Variants in FBXL2 observed in about 807,000 individuals in gnomAD.
FBXL2 encodes F-box and leucine rich repeat protein 2.
Under a neutral mutation model 69.2 loss-of-function variants are expected in FBXL2, and 38 were observed. That is an observed-to-expected ratio of 0.55 (90% CI 0.42 to 0.72). The LOEUF (loss-of-function observed/expected upper bound fraction) is 0.72, where lower values mean the gene tolerates loss of function less well. Ranked by LOEUF, FBXL2 falls within the 30% of genes least tolerant of loss-of-function variation. The pLI is 0.00. For synonymous variants in FBXL2, 192 were observed against 201.3 expected, an observed-to-expected ratio of 0.95 and a Z score of 0.39; for missense variants, 354 against 520.3, an observed-to-expected ratio of 0.68 and a Z score of 3.11.
At chr3:33,347,871 AT>A in intron 2 of FBXL2, among the ~76,000 whole-genome samples, 1 of 150,714 alleles carries the variant, frequency 6.6e-6, no homozygotes, top group Non-Finnish European at 1.5e-5. Flanking sequence ...GGATTGTTAG[AT>A]TTTTTTTTCC....
Position 33,385,921 on chromosome 3 carries a change from C to G in FBXL2, c.*313C>G, listed in dbSNP as rs571778621. 3.8e-5 allele frequency: 13 copies of G among 337,924 alleles called. No individual in the cohort carries two copies. The highest frequency in any genetic ancestry group is 3.2e-4 in the Admixed American group (7 of 21,684). 20.9% of individuals were successfully genotyped at this position (337,924 alleles called of 1,614,324 possible). Reference sequence around the variant, plus strand: ...CTAGGTACGAAAGTTCTACCCTTGGCATACTCAGCATTCCTCAAAAAGACC... The same window carrying G: ...CTAGGTACGAAAGTTCTACCCTTGGGATACTCAGCATTCCTCAAAAAGACC... On this transcript the variant is annotated 3_prime_UTR_variant, in exon 15 of 15. Transcript: ENST00000484457.
intron 2 of FBXL2, among the ~76,000 whole-genome samples, chr3:33,304,384 G>C (rs569366510): frequency 6.6e-6 from 1 of 151,918 alleles, no homozygotes; most frequent in Non-Finnish European, 1.5e-5. Flanking sequence ...ACTTTTGCTT[G>C]TTTATTAACT....
At chr3:33,397,118 G>A in intron 12 of FBXL2, 4 of 1,595,526 alleles carry the variant, frequency 2.5e-6, no homozygotes, top group Non-Finnish European at 3.4e-6. Flanking sequence ...TCCTTTGTCA[G>A]TTTTAATAAG....
chr3:33,342,234 T>C (rs2040084300), intron 2 of FBXL2, among the ~76,000 whole-genome samples: 1 of 151,704 alleles, frequency 6.6e-6, no homozygotes, highest in Non-Finnish European at 1.5e-5. Context: ...CTTAATCTCC[T>C]GACCTCGTGA....
At chr3:33,403,510 A>ATCTATCTGTCTG (rs1429519631) in exon 13 of FBXL2, 1 of 21,174 alleles carries the variant, frequency 4.7e-5, no homozygotes, top group African/African-American at 7.5e-5. Flanking sequence ...CTATCTATCT[A>ATCTATCTGTCTG]TCTGTCTGTC....
intron 2 of FBXL2, among the ~76,000 whole-genome samples, chr3:33,344,997 A>T (rs1575278146): frequency 6.6e-6 from 1 of 152,230 alleles, no homozygotes. Context: ...TTCACTTGGG[A>T]ATCCTTTCAG....
chr3:33,287,546 G>C (rs1188899149), intron 1 of FBXL2, among the ~76,000 whole-genome samples: 1 of 152,100 alleles, frequency 6.6e-6, no homozygotes, highest in African/African-American at 2.4e-5. Context: ...CAGTGGCTCA[G>C]CTCACTGCAA....
At chr3:33,420,105 T>C in the FBXL2 span, among the ~76,000 whole-genome samples, 2 of 152,198 alleles carry the variant, frequency 1.3e-5, no homozygotes, top group African/African-American at 4.8e-5. Context: ...GAGCCCAAGA[T>C]GTGACAGCCC....
At chr3:33,393,461 T>G (rs370923547) in intron 12 of FBXL2, 57 of 1,572,788 alleles carry the variant, frequency 3.6e-5, no homozygotes, top group Non-Finnish European at 4.3e-5. Flanking sequence ...TAAACTGAAA[T>G]TAAAAAAAAA....
intron 1 of FBXL2, among the ~76,000 whole-genome samples, chr3:33,295,337 C>A (rs555198468): frequency 6.6e-6 from 1 of 152,288 alleles, no homozygotes; most frequent in African/African-American, 2.4e-5. Context: ...TAAATTGAAA[C>A]ATACAATATG....
Position 33,297,669 on chromosome 3 carries a change from C to A in FBXL2, c.9C>A (p.Phe3Leu). Reference protein sequence around the residue: MVFSNNDEGLINK... With the variant: MVLSNNDEGLINK... ...CTTTTTTTTTTTCTTTCCAGGTTTT[C>A]TCAAACAATGATGAAGGCCTTATTA... The change falls in exon 2 of 15, where the codon TTC becomes TTA. Residue 3 changes from phenylalanine to leucine, a missense_variant. By Grantham distance (22) the Phe-to-Leu change is conservative. Transcript: ENST00000484457. 1 of 1,541,202 alleles carries A rather than the reference C, an allele frequency of 6.5e-7. No homozygotes were observed. The highest frequency in any genetic ancestry group is 8.8e-7 in the Non-Finnish European group (1 of 1,137,456).
chr3:33,316,889 TC>T (rs2037747827), intron 2 of FBXL2, among the ~76,000 whole-genome samples: 8 of 103,774 alleles, frequency 7.7e-5, no homozygotes, highest in Admixed American at 1.3e-4. Context: ...TAGAATTTTC[TC>T]TGTTTTTCTT....
At chr3:33,399,348 A>G (rs2044133210) in intron 12 of FBXL2, among the ~76,000 whole-genome samples, 1 of 152,214 alleles carries the variant, frequency 6.6e-6, no homozygotes, top group Non-Finnish European at 1.5e-5. Flanking sequence ...TACCTGGAGA[A>G]GCAGTGCTTG....
At chr3:33,284,945 T>G (rs892571598) in intron 1 of FBXL2, among the ~76,000 whole-genome samples, 1 of 152,188 alleles carries the variant, frequency 6.6e-6, no homozygotes, top group South Asian at 2.1e-4. Context: ...TGTCTCTGCA[T>G]GTGATATGGG....
the FBXL2 span, chr3:33,416,868 T>G: frequency 4.9e-5 from 76 of 1,538,006 alleles, no homozygotes; most frequent in African/African-American, 9.7e-4. Context: ...AAAACAATCC[T>G]TATAAAGAAC....
chr3:33,306,308 A>C (rs1030560873), intron 2 of FBXL2, among the ~76,000 whole-genome samples: 2 of 152,144 alleles, frequency 1.3e-5, no homozygotes, highest in Non-Finnish European at 2.9e-5. Flanking sequence ...ACACAAAACA[A>C]ATATATGAAA....
chr3:33,296,875 G>T (rs185012271), intron 1 of FBXL2, among the ~76,000 whole-genome samples: 2 of 151,962 alleles, frequency 1.3e-5, no homozygotes, highest in Non-Finnish European at 2.9e-5. Flanking sequence ...AGTTAATCTG[G>T]GTCCCTTGCA....
chr3:33,355,444 G>A (rs1018824514), intron 2 of FBXL2, among the ~76,000 whole-genome samples: 5 of 152,150 alleles, frequency 3.3e-5, no homozygotes, highest in Non-Finnish European at 5.9e-5. Flanking sequence ...TGCAATCCCA[G>A]TAAAAATTTC....
At chr3:33,373,508 A>C in intron 7 of FBXL2, 70 bp from the exon 8 acceptor site, 1 of 1,606,418 alleles carries the variant, frequency 6.2e-7, no homozygotes. Flanking sequence ...GTGATGTACT[A>C]AACTCAGAGT....
Sources: gnomAD v4.1 joint callset for allele counts (sites outside exome capture counted in the v4.1 genomes callset) on GRCh38, gnomAD v4.1.1 for gene constraint, MANE v1.5 for transcripts, NCBI Gene and HGNC (gene_info 2026-07-23, HGNC 2026-07-21) for gene names.